Variants in MAP7 observed in about 807,000 individuals in gnomAD.
MAP7 encodes the protein microtubule associated protein 7.
A neutral mutation model predicts 94.8 loss-of-function variants in MAP7; 52 were observed. The observed-to-expected ratio is 0.55, with a 90% CI of 0.44 to 0.69. The LOEUF is 0.69. Among genes scored for constraint, MAP7 ranks in the 30% least tolerant of loss-of-function variants. The pLI is 0.00. For missense variants in MAP7, 940 were observed against 964.6 expected (o/e 0.97, Z 0.34); for synonymous variants, 350 against 357.0 (o/e 0.98, Z 0.22).
rs113329968 is a variant in MAP7 at position 136,519,067 on chromosome 6, A to G, written c.67+31275T>C. Among the ~76,000 whole-genome samples the G allele has an allele frequency of 7.8e-3, 1,181 of 152,368 alleles. 20 individuals are homozygous for G. Among genetic ancestry groups the G allele is most frequent in the African/African-American group, 0.026 (1,092 of 41,586 alleles). On this transcript the variant is annotated intron_variant, in intron 1 of 17. Coordinates refer to ENST00000354570, the MANE Select transcript of MAP7 (RefSeq NM_003980.6). ...AACGCATGTGGTAATTTCTACTTAT[A>G]TAACACATAATGCCTGGGGAACAGC...
At chr6:136,397,312 A>G (rs1363767876) in intron 3 of MAP7, among the ~76,000 whole-genome samples, 1 of 152,188 alleles carries the variant, frequency 6.6e-6, no homozygotes, top group African/African-American at 2.4e-5. Flanking sequence ...TTAAAGGGAA[A>G]AAAACAAAGT....
intron 1 of MAP7, among the ~76,000 whole-genome samples, chr6:136,430,715 C>T (rs922066669): frequency 6.6e-6 from 1 of 152,196 alleles, no homozygotes; most frequent in African/African-American, 2.4e-5. Context: ...AACGCATTCT[C>T]CCCATGCTGT....
chr6:136,395,474 G>A (rs1239109651), intron 3 of MAP7, among the ~76,000 whole-genome samples: 4 of 136,482 alleles, frequency 2.9e-5, no homozygotes, highest in African/African-American at 8.3e-5. Context: ...ATGCTTTGTC[G>A]AATAAATAGT....
chr6:136,377,371 C>T (rs1776478228), intron 7 of MAP7, among the ~76,000 whole-genome samples: 1 of 152,178 alleles, frequency 6.6e-6, no homozygotes, highest in Admixed American at 6.5e-5. Context: ...CAGACTTGCG[C>T]TTTGATTTTA....
chr6:136,428,769 A>C (rs1255722951), intron 1 of MAP7, among the ~76,000 whole-genome samples: 2 of 152,178 alleles, frequency 1.3e-5, no homozygotes, highest in African/African-American at 2.4e-5. Context: ...GCATTCAGTC[A>C]TTGATATCTG....
At chr6:136,418,247 G>A (rs183416056) in intron 2 of MAP7, among the ~76,000 whole-genome samples, 18 of 152,256 alleles carry the variant, frequency 1.2e-4, no homozygotes, top group African/African-American at 3.8e-4. Flanking sequence ...ACAGAGTCTC[G>A]CTCTGTTGCC....
At chr6:136,506,136 CCTTTT>C (rs1477311130) in intron 1 of MAP7, among the ~76,000 whole-genome samples, 5 of 152,080 alleles carry the variant, frequency 3.3e-5, no homozygotes, top group Non-Finnish European at 5.9e-5. Context: ...TCCTAGAAAA[CCTTTT>C]CTTAACAGCC....
At chr6:136,506,348 C>T (rs988054422) in intron 1 of MAP7, among the ~76,000 whole-genome samples, 3 of 152,002 alleles carry the variant, frequency 2.0e-5, no homozygotes, top group African/African-American at 7.3e-5. Context: ...CACTAAATAG[C>T]TGGAACTAAT....
chr6:136,529,766 T>C (rs1201684250), intron 1 of MAP7, among the ~76,000 whole-genome samples: 3 of 152,212 alleles, frequency 2.0e-5, no homozygotes, highest in African/African-American at 4.8e-5. Flanking sequence ...TCAGCTACTA[T>C]GATTAAAACA....
intron 9 of MAP7, 65 bp downstream of exon 9, chr6:136,366,262 C>T: frequency 1.5e-6 from 2 of 1,294,050 alleles, no homozygotes; most frequent in Admixed American, 1.7e-5. Flanking sequence ...AGTTCACTTT[C>T]AGAGGAGAGA....
chr6:136,360,670 C>A (rs748816543), intron 13 of MAP7, 27 bp downstream of exon 13: 1 of 1,605,888 alleles, frequency 6.2e-7, no homozygotes, highest in Non-Finnish European at 8.5e-7. Context: ...GTTCGCGTCC[C>A]GGGCCTCTCT....
intron 1 of MAP7, among the ~76,000 whole-genome samples, chr6:136,497,461 T>C (rs1481546430): frequency 6.6e-6 from 1 of 151,544 alleles, no homozygotes; most frequent in Non-Finnish European, 1.5e-5. Flanking sequence ...TTTGTCTTTG[T>C]TATCTTATGT....
At position 136,342,741 on chromosome 6, in the gene MAP7, A is replaced by G. The variant is rs762394822; in HGVS notation, c.*1487T>C. ...ATATGAGAAAGCTAAAAGTAAAACTATGTCAAACATTTTATTTGGTGTTTC... is the reference window on the plus strand; with the variant it reads ...ATATGAGAAAGCTAAAAGTAAAACTGTGTCAAACATTTTATTTGGTGTTTC... On this transcript the variant is annotated 3_prime_UTR_variant, in exon 18 of 18. Transcript: ENST00000354570. 6 of 152,258 alleles carry G rather than the reference A, an allele frequency of 3.9e-5. No homozygotes were observed. Among genetic ancestry groups the G allele is most frequent in the Admixed American group, 6.5e-5 (1 of 15,290 alleles). The allele number at this position is 152,258 out of a possible 1,614,324, so 9.4% of individuals were successfully genotyped here. A position where few individuals can be genotyped will look rare whatever the true frequency, so the allele number is the denominator to read the frequency against.
chr6:136,348,420 G>C (rs1032161244), intron 16 of MAP7, among the ~76,000 whole-genome samples: 1 of 152,186 alleles, frequency 6.6e-6, no homozygotes, highest in Non-Finnish European at 1.5e-5. Flanking sequence ...ATCGGGACTG[G>C]TAGAAACTAT....
chr6:136,406,703 C>A (rs1297801369), intron 3 of MAP7, among the ~76,000 whole-genome samples: 1 of 152,158 alleles, frequency 6.6e-6, no homozygotes, highest in African/African-American at 2.4e-5. Flanking sequence ...TGCCTGTAAT[C>A]CCAGCTACTC....
At position 136,421,759 on chromosome 6, in the gene MAP7, G is replaced by A. The variant is rs1791439100; in HGVS notation, c.108C>T (p.Ser36=). Residue 36 remains serine (S), a synonymous_variant, in exon 2 of 18, where the codon TCC becomes TCT. Transcript: ENST00000354570. ...SYKVQDKKNA[S]SRPASAISGQ... ...CTGAAATTGCAGAGGCAGGGCGGCTGGAGGCATTTTTCTTATCTTGCACTT... is the reference window on the plus strand; with the variant it reads ...CTGAAATTGCAGAGGCAGGGCGGCTAGAGGCATTTTTCTTATCTTGCACTT... The A allele has an allele frequency of 6.2e-7, 1 of 1,613,910 alleles. No individual in the cohort carries two copies. The highest frequency in any genetic ancestry group is 8.5e-7 in the Non-Finnish European group (1 of 1,179,940).
chr6:136,488,594 G>A (rs1368353759), intron 1 of MAP7, among the ~76,000 whole-genome samples: 2 of 151,718 alleles, frequency 1.3e-5, no homozygotes, highest in Non-Finnish European at 2.9e-5. Context: ...ACAGGCACCC[G>A]CCACCACGCC....
At chr6:136,533,020 C>G (rs1038786415) in intron 1 of MAP7, among the ~76,000 whole-genome samples, 10 of 152,230 alleles carry the variant, frequency 6.6e-5, no homozygotes, top group African/African-American at 2.4e-4. Context: ...TGCCTGTAAT[C>G]CCAGCACTTT....
intron 1 of MAP7, among the ~76,000 whole-genome samples, chr6:136,483,323 A>C (rs1813529624): frequency 6.6e-6 from 1 of 152,006 alleles, no homozygotes; most frequent in Non-Finnish European, 1.5e-5. Context: ...ACACATGGAC[A>C]CCAAGAAGGG....
Sources: allele counts gnomAD v4.1 joint callset (sites outside exome capture counted in the v4.1 genomes callset), GRCh38; gene constraint gnomAD v4.1.1; transcripts MANE v1.5; gene names NCBI Gene and HGNC (gene_info 2026-07-23, HGNC 2026-07-21).